EVC: variants seen among roughly 807,000 people sequenced by gnomAD.
The protein encoded by EVC is EvC ciliary complex subunit 1, also known as evC complex member EVC.
A neutral mutation model predicts 118.9 loss-of-function variants in EVC; 116 were observed. That is an observed-to-expected ratio of 0.98 (90% CI 0.84 to 1.14). EVC has a LOEUF of 1.14. Ranked by LOEUF, EVC falls within the 50% of genes most tolerant of loss-of-function variation. EVC has a pLI of 0.00. For synonymous variants in EVC, 619 were observed against 534.7 expected (o/e 1.16, Z -2.18); for missense variants, 1,401 against 1,246.4 (o/e 1.12, Z -1.87).
At chr4:5,808,562 C>G (rs1716386649) in intron 18 of EVC, among the ~76,000 whole-genome samples, 1 of 152,122 alleles carries the variant, frequency 6.6e-6, no homozygotes, top group African/African-American at 2.4e-5. Flanking sequence ...GCATGCTAAG[C>G]AGGGCCAGGC....
chr4:5,771,905 A>ATTTTTTTTTTTTTTTTTT (rs1734032851), intron 11 of EVC, among the ~76,000 whole-genome samples: 2 of 151,430 alleles, frequency 1.3e-5, no homozygotes. Context: ...TTTTATTATT[A>ATTTTTTTTTTTTTTTTTT]TTATTATTAT....
chr4:5,782,065 T>C (rs1735677135), intron 11 of EVC, among the ~76,000 whole-genome samples: 1 of 151,950 alleles, frequency 6.6e-6, no homozygotes. Context: ...AAGTTCCATG[T>C]TTTTTGTTTT....
chr4:5,782,787 A>AGG (rs1414842590), intron 11 of EVC, among the ~76,000 whole-genome samples: 1 of 152,128 alleles, frequency 6.6e-6, no homozygotes, highest in Non-Finnish European at 1.5e-5. Context: ...TTATTTGAGG[A>AGG]GGACTCATGA....
chr4:5,774,549 C>G (rs377727370), intron 11 of EVC, among the ~76,000 whole-genome samples: 4 of 152,056 alleles, frequency 2.6e-5, no homozygotes, highest in East Asian at 3.9e-4. Context: ...TTGTAAAGCT[C>G]TAGACTATGG....
At chr4:5,815,768 A>G (rs1025019017), downstream of EVC, among the ~76,000 whole-genome samples, 3 of 152,058 alleles carry the variant, frequency 2.0e-5, no homozygotes, top group Non-Finnish European at 2.9e-5. Flanking sequence ...GCTTTGAGTA[A>G]TCATTTGATT....
intron 2 of EVC, among the ~76,000 whole-genome samples, chr4:5,725,654 C>T (rs1725690745): frequency 6.6e-6 from 1 of 152,116 alleles, no homozygotes; most frequent in Admixed American, 6.5e-5. Context: ...TAAAAATGTT[C>T]TCCCCTTCTG....
intron 15 of EVC, 109 bp from the exon 16 acceptor site, chr4:5,801,841 G>C: frequency 7.9e-7 from 1 of 1,267,928 alleles, no homozygotes. Flanking sequence ...AGGTTGGTGA[G>C]TAGGTGGAAG....
Position 5,748,324 on chromosome 4 carries a change from G to C in EVC, c.1098+18G>C. 2 of 1,613,548 alleles carry C rather than the reference G, an allele frequency of 1.2e-6. No homozygotes were observed. Among genetic ancestry groups the C allele is most frequent in the Non-Finnish European group, 8.5e-7 (1 of 1,179,760 alleles). The stretch of plus-strand genomic sequence containing the variant: ...AGGCTCTGGTAATGCTGGAGGGGGC[G>C]GGAGGGAACATAAAGATATTCAGAC... On this transcript the variant is annotated intron_variant, in intron 8 of 20. Transcript: ENST00000264956.
At chr4:5,791,140 T>C (rs567377802) in intron 12 of EVC, among the ~76,000 whole-genome samples, 66 of 152,116 alleles carry the variant, frequency 4.3e-4, no homozygotes, top group African/African-American at 1.3e-3. Flanking sequence ...AGAAATCTAA[T>C]TGGATTAGTT....
chr4:5,753,805 G>T lies in EVC; in HGVS notation c.1336G>T (p.Asp446Tyr), dbSNP rs1286504042. Reference sequence around the variant, plus strand: ...CCCAGAGTTTGTCCAGCGAGGCAAAGACCTGGTCACGGCGTCTCTGGCTCA... The same window carrying T: ...CCCAGAGTTTGTCCAGCGAGGCAAATACCTGGTCACGGCGTCTCTGGCTCA... ...FSREFVQRGKDLVTASLAHQV... is the reference protein window; with the variant it reads ...FSREFVQRGKYLVTASLAHQV... The change falls in exon 10 of 21, where the codon GAC becomes TAC. Residue 446 changes from aspartate to tyrosine, a missense_variant. By Grantham distance (160) the Asp-to-Tyr change is radical (BLOSUM62 -3). Transcript: ENST00000264956. The T allele has an allele frequency of 1.2e-6, 2 of 1,614,172 alleles. No homozygotes were observed. The highest frequency in any genetic ancestry group is 1.7e-6 in the Non-Finnish European group (2 of 1,180,034).
At chr4:5,759,895 T>C (rs533948006) in intron 11 of EVC, among the ~76,000 whole-genome samples, 270 of 152,226 alleles carry the variant, frequency 1.8e-3, no homozygotes, top group Middle Eastern at 0.01. Context: ...TTTATACATT[T>C]TAGGGAGACA....
Position 5,808,645 on chromosome 4 carries a change from C to T in EVC, c.2688+318C>T, listed in dbSNP as rs192074066. On this transcript the variant is annotated intron_variant, in intron 18 of 20. Transcript: ENST00000264956. ...GCATTCCCCTGTGTGCGCATGGCCACCAGGAGGCTTCCGGTGTAATGGTGA... is the reference window on the plus strand; with the variant it reads ...GCATTCCCCTGTGTGCGCATGGCCATCAGGAGGCTTCCGGTGTAATGGTGA... Among the ~76,000 whole-genome samples the T allele has an allele frequency of 1.1e-4, 17 of 152,344 alleles. 1 individual carries two copies. Among genetic ancestry groups the T allele is most frequent in the Admixed American group, 7.8e-4 (12 of 15,310 alleles).
chr4:5,733,503 G>A (rs1727178541), intron 5 of EVC, 68 bp downstream of exon 5: 3 of 1,323,780 alleles, frequency 2.3e-6, no homozygotes, highest in African/African-American at 1.4e-5. Flanking sequence ...GACTCTGTGT[G>A]CAGTGAGTCC....
Position 5,729,318 on chromosome 4 carries a change from G to T in EVC, c.312G>T (p.Pro104=). The T allele has an allele frequency of 1.9e-6, 3 of 1,614,034 alleles. No homozygotes were observed. Among genetic ancestry groups the T allele is most frequent in the Non-Finnish European group, 2.5e-6 (3 of 1,180,002 alleles). ...KDKEAVDECE[P]PSNSNITAFA... The stretch of plus-strand genomic sequence containing the variant: ...TCTTTCCCTCCCAGGAATGTGAGCC[G>T]CCTTCCAACAGCAATATCACAGCAT... Residue 104 remains proline (P), a synonymous_variant, in exon 3 of 21, where the codon CCG becomes CCT. Coordinates refer to ENST00000264956, the MANE Select transcript of EVC (RefSeq NM_153717.3).
chr4:5,730,424 A>C (rs1406683722), intron 3 of EVC, among the ~76,000 whole-genome samples: 1 of 149,896 alleles, frequency 6.7e-6, no homozygotes, highest in East Asian at 2.0e-4. Flanking sequence ...TGGCTCAAGG[A>C]GCTGTTCCCT....
chr4:5,823,530 G>T, the EVC span, among the ~76,000 whole-genome samples: 2 of 152,238 alleles, frequency 1.3e-5, no homozygotes, highest in Admixed American at 1.3e-4. Context: ...GGGGCCTAAT[G>T]GGAGGGGTTT....
intron 8 of EVC, among the ~76,000 whole-genome samples, chr4:5,748,783 T>TGAGTGAAGGCTCTGG: frequency 1.4e-4 from 15 of 107,774 alleles, no homozygotes; most frequent in Admixed American, 2.9e-4. Context: ...CATCCACCCA[T>TGAGTGAAGGCTCTGG]CCATCCATCC....
chr4:5,794,036 A>G (rs1216299237), intron 13 of EVC, among the ~76,000 whole-genome samples: 1 of 151,902 alleles, frequency 6.6e-6, no homozygotes, highest in Non-Finnish European at 1.5e-5. Flanking sequence ...ATCCAAATTT[A>G]GAACATTTCT....
intron 12 of EVC, 50 bp from the exon 13 acceptor site, chr4:5,793,558 G>C: frequency 6.9e-7 from 1 of 1,453,636 alleles, no homozygotes; most frequent in Non-Finnish European, 9.5e-7. Flanking sequence ...AAGCAGGATT[G>C]TTGAAGTGAG....
Sources: gnomAD v4.1 joint callset for allele counts (sites outside exome capture counted in the v4.1 genomes callset) on GRCh38, gnomAD v4.1.1 for gene constraint, MANE v1.5 for transcripts, NCBI Gene and HGNC (gene_info 2026-07-23, HGNC 2026-07-21) for gene names.